NANS: variants seen among roughly 807,000 people sequenced by gnomAD.
The protein encoded by NANS is N-acetylneuraminate synthase, also known as N-acetylneuraminate-9-phosphate synthase.
A neutral mutation model predicts 33.3 loss-of-function variants in NANS; 29 were observed. That is an observed-to-expected ratio of 0.87 (90% CI 0.65 to 1.19). NANS has a LOEUF of 1.19. NANS is among the 50% of genes most tolerant of loss of function. The pLI, the probability that NANS is intolerant of heterozygous loss-of-function variation, is 0.00. For missense variants in NANS, 394 were observed against 461.1 expected (o/e 0.85, Z 1.33); for synonymous variants, 163 against 177.2 (o/e 0.92, Z 0.64).
In NANS at chr9:98,078,304, C is replaced by T; in HGVS notation, c.560C>T (p.Ala187Val). 1 of 1,614,014 alleles carries T rather than the reference C, an allele frequency of 6.2e-7. No individual in the cohort carries two copies. The highest frequency in any genetic ancestry group is 2.2e-5 in the East Asian group (1 of 44,864). ...PNFCFLQCTS[A>V]YPLQPEDVNL... ...TTCTGCTTCTTGCAGTGTACCAGCG[C>T]ATACCCGCTCCAGCCTGAGGACGTC... Residue 187 changes from alanine to valine, a missense_variant, in exon 4 of 6, where the codon GCA (alanine) becomes GTA (valine). Transcript: ENST00000210444.
intron 1 of NANS, among the ~76,000 whole-genome samples, chr9:98,059,131 C>T (rs866193134): frequency 3.9e-5 from 6 of 152,034 alleles, no homozygotes; most frequent in African/African-American, 1.2e-4. Flanking sequence ...TCACACCGTT[C>T]TCCTGTCTCA....
At position 98,061,078 on chromosome 9, in the gene NANS, C is replaced by A. The variant is rs7020081; in HGVS notation, c.348+81C>A. 0.24 allele frequency: 316,113 copies of A among 1,327,380 alleles called. 44,737 individuals carry two copies. Among genetic ancestry groups the A allele is most frequent in the African/African-American group, 0.54 (37,423 of 69,492 alleles). The allele number at this position is 1,327,380 out of a possible 1,614,324, so 82.2% of individuals were successfully genotyped here. A position where few individuals can be genotyped will look rare whatever the true frequency, so the allele number is the denominator to read the frequency against. On this transcript the variant is annotated intron_variant, in intron 2 of 5. Coordinates refer to ENST00000210444, the MANE Select transcript of NANS (RefSeq NM_018946.4). ...CAGCCTGGTGACTTCCGGCTTAGGG[C>A]CACCTCCAGCCCTTGCTCATCCTTT... is the stretch of plus-strand genomic sequence containing the variant.
At chr9:98,059,054 C>T (rs777557518) in intron 1 of NANS, among the ~76,000 whole-genome samples, 4 of 151,828 alleles carry the variant, frequency 2.6e-5, no homozygotes, top group African/African-American at 7.3e-5. Context: ...GACGGAGTCT[C>T]GCTGTGTCAC....
intron 2 of NANS, among the ~76,000 whole-genome samples, chr9:98,063,856 T>G (rs1829057530): frequency 6.6e-6 from 1 of 152,184 alleles, no homozygotes; most frequent in Non-Finnish European, 1.5e-5. Context: ...TTTTTTGTGC[T>G]AATAAGTAGT....
chr9:98,064,720 A>G (rs948134247), intron 2 of NANS, among the ~76,000 whole-genome samples: 1 of 152,218 alleles, frequency 6.6e-6, no homozygotes, highest in African/African-American at 2.4e-5. Context: ...TCTTAAAGGT[A>G]GCAGATCTGA....
rs530564636 is a variant in NANS at position 98,071,049 on chromosome 9, A to G, written c.349-5869A>G. ...GCTGGTCTTAAACTCTGGGCCTCAA[A>G]CAGTCTCCCACCTCGGCCTCCCAAA... On this transcript the variant is annotated intron_variant, in intron 2 of 5. Transcript: ENST00000210444. Among the ~76,000 whole-genome samples the G allele has an allele frequency of 3.3e-5, 5 of 151,820 alleles. No individual in the cohort carries two copies. In the East Asian group the frequency reaches 9.9e-4, roughly 30 times the overall value.
At chr9:98,070,260 GGT>G (rs1197462608) in intron 2 of NANS, among the ~76,000 whole-genome samples, 1 of 152,130 alleles carries the variant, frequency 6.6e-6, no homozygotes, top group Non-Finnish European at 1.5e-5. Flanking sequence ...TGGGACTACA[GGT>G]GTATGCCACC....
chr9:98,072,203 A>G (rs903243816), intron 2 of NANS, among the ~76,000 whole-genome samples: 2 of 152,152 alleles, frequency 1.3e-5, no homozygotes, highest in Admixed American at 1.3e-4. Context: ...TCCTGGGGCT[A>G]TCTGGAGGAT....
rs769620040 is a variant in NANS at position 98,060,750 on chromosome 9, G to A, written c.133-32G>A. 11 of 1,604,178 alleles carry A rather than the reference G, an allele frequency of 6.9e-6. No individual in the cohort carries two copies. In the East Asian group the frequency reaches 2.2e-4, roughly 33 times the overall value. Reference sequence around the variant, plus strand: ...TTCCTTTTTTTGAGAATCTACGACAGTCACTGAAAGATGTCCTAATGTGTG... The same window carrying A: ...TTCCTTTTTTTGAGAATCTACGACAATCACTGAAAGATGTCCTAATGTGTG... On this transcript the variant is annotated intron_variant, in intron 1 of 5. Transcript: ENST00000210444.
intron 3 of NANS, among the ~76,000 whole-genome samples, chr9:98,077,333 T>C (rs971403770): frequency 1.3e-5 from 2 of 152,060 alleles, no homozygotes; most frequent in Non-Finnish European, 2.9e-5. Context: ...GAATTAAGAA[T>C]ATGACAGTTT....
In NANS at chr9:98,070,782, A is replaced by G. The variant is rs145876205; in HGVS notation, c.349-6136A>G. On this transcript the variant is annotated intron_variant, in intron 2 of 5. Coordinates refer to ENST00000210444, the MANE Select transcript of NANS (RefSeq NM_018946.4). ...AAAACCACATCAAAAAATAAAAATA[A>G]AAAAGATCTGCAGACTCTTTAGTAA... Among the ~76,000 whole-genome samples the G allele has an allele frequency of 4.7e-4, 72 of 151,680 alleles. 2 individuals are homozygous for G. The East Asian group carries it at 0.013, about 28-fold the overall frequency.
intron 2 of NANS, among the ~76,000 whole-genome samples, chr9:98,066,653 ATTT>A (rs35815359): frequency 7.0e-6 from 1 of 143,486 alleles, no homozygotes; most frequent in Non-Finnish European, 1.5e-5. Context: ...CCACTTACCG[ATTT>A]TTTTTTTTTT....
intron 2 of NANS, among the ~76,000 whole-genome samples, chr9:98,074,023 T>C (rs1207628592): frequency 6.6e-6 from 1 of 152,038 alleles, no homozygotes; most frequent in African/African-American, 2.4e-5. Flanking sequence ...TGGGCTAAAA[T>C]GATCCTCCTG....
chr9:98,058,511 T>C (rs888465141), intron 1 of NANS, among the ~76,000 whole-genome samples: 16 of 152,230 alleles, frequency 1.1e-4, no homozygotes, highest in Admixed American at 6.5e-5. Flanking sequence ...GACTCCAGCC[T>C]TTCTTCTGCA....
chr9:98,077,163 G>A, intron 3 of NANS, 146 bp downstream of exon 3: 2 of 637,322 alleles, frequency 3.1e-6, no homozygotes, highest in Non-Finnish European at 5.3e-6. Flanking sequence ...GGGTCTCGCT[G>A]TGTTGGCCAG....
chr9:98,080,975 G>A lies in NANS; in HGVS notation c.763G>A (p.Glu255Lys). The A allele has an allele frequency of 1.9e-6, 3 of 1,614,202 alleles. No individual in the cohort carries two copies. Among genetic ancestry groups the A allele is most frequent in the Non-Finnish European group, 1.7e-6 (2 of 1,180,040 alleles). Residue 255 changes from glutamate (E) to lysine (K), a missense_variant, in exon 5 of 6, where the codon GAG becomes AAG. By Grantham distance (56) the Glu-to-Lys change is moderately conservative (BLOSUM62 1). Coordinates refer to ENST00000210444, the MANE Select transcript of NANS (RefSeq NM_018946.4). ...WKGSDHSASL[E>K]PGELAELVRS... The stretch of plus-strand genomic sequence containing the variant: ...GGGGAGTGACCACTCGGCCTCGCTG[G>A]AGCCTGGAGAACTGGCCGAGCTGGT...
At chr9:98,063,911 A>G (rs1829059162) in intron 2 of NANS, among the ~76,000 whole-genome samples, 2 of 151,928 alleles carry the variant, frequency 1.3e-5, no homozygotes, top group Non-Finnish European at 2.9e-5. Context: ...TTTCCTTAAG[A>G]TGGCTTCTTA....
intron 2 of NANS, chr9:98,069,655 GAACAT>G (rs1829253523): frequency 6.6e-6 from 1 of 152,284 alleles, no homozygotes; most frequent in African/African-American, 2.4e-5. Context: ...ATGCAGAAGG[GAACAT>G]ACTGTACGAT....
At chr9:98,062,782 T>G (rs976369586) in intron 2 of NANS, among the ~76,000 whole-genome samples, 6 of 149,754 alleles carry the variant, frequency 4.0e-5, no homozygotes, top group East Asian at 1.9e-4. Context: ...TTTCAGTTTT[T>G]TTTTTTTTTT....
Sources: gnomAD v4.1 joint callset for allele counts (sites outside exome capture counted in the v4.1 genomes callset) on GRCh38, gnomAD v4.1.1 for gene constraint, MANE v1.5 for transcripts, NCBI Gene and HGNC (gene_info 2026-07-23, HGNC 2026-07-21) for gene names.